Variants in FSD1L observed in about 807,000 individuals in gnomAD.
FSD1L encodes the protein FSD1-like protein.
FSD1L carries 45 observed loss-of-function variants against 71.6 expected under a neutral mutation model. The observed-to-expected ratio is 0.63, with a 90% confidence interval of 0.49 to 0.81. FSD1L has a LOEUF of 0.81. FSD1L is among the 30% of genes least tolerant of loss of function. The pLI is 0.00. For synonymous variants in FSD1L, 197 were observed against 207.2 expected, an observed-to-expected ratio of 0.95 and a Z score of 0.42; for missense variants, 561 against 618.1, an observed-to-expected ratio of 0.91 and a Z score of 0.98.
chr9:105,448,527 C>G (rs1313517633), intron 1 of FSD1L, among the ~76,000 whole-genome samples: 2 of 152,252 alleles, frequency 1.3e-5, no homozygotes, highest in Non-Finnish European at 2.9e-5. Flanking sequence ...ATCAGCCACT[C>G]TGCAGCGCTT....
intron 7 of FSD1L, among the ~76,000 whole-genome samples, chr9:105,493,813 A>G (rs948011682): frequency 6.6e-6 from 1 of 152,182 alleles, no homozygotes; most frequent in Non-Finnish European, 1.5e-5. Context: ...TTCTTTAAGA[A>G]TGTTGAATAT....
chr9:105,524,869 A>G (rs1011138894), intron 10 of FSD1L: 17 of 1,573,512 alleles, frequency 1.1e-5, no homozygotes, highest in Non-Finnish European at 1.5e-5. Context: ...AATCACGACA[A>G]TCATTACAGT....
chr9:105,519,201 TCA>T lies in FSD1L; in HGVS notation c.1025+6268_1025+6269del, dbSNP rs536337540. Among the ~76,000 whole-genome samples the T allele has an allele frequency of 5.5e-3, 842 of 152,262 alleles. 10 individuals carry two copies. The highest frequency in any genetic ancestry group is 0.02 in the African/African-American group (815 of 41,532). Reference sequence around the variant, plus strand: ...AAAAAAAGTCCAGGACCAGACAGACTCACAGCCAAATTCTACCAGAGGTACAA... The same window carrying T: ...AAAAAAAGTCCAGGACCAGACAGACTCAGCCAAATTCTACCAGAGGTACAA... On this transcript the variant is annotated intron_variant, in intron 10 of 13. Transcript: ENST00000481272.
At chr9:105,537,132 C>T (rs1292076009) in intron 12 of FSD1L, among the ~76,000 whole-genome samples, 3 of 152,230 alleles carry the variant, frequency 2.0e-5, no homozygotes, top group Non-Finnish European at 2.9e-5. Flanking sequence ...AGCATATTCT[C>T]TACAGTCATC....
chr9:105,474,988 C>G (rs1156949295), intron 5 of FSD1L, among the ~76,000 whole-genome samples: 1 of 152,156 alleles, frequency 6.6e-6, no homozygotes, highest in Non-Finnish European at 1.5e-5. Flanking sequence ...GACGGATCAC[C>G]AGCAAATGGG....
Position 105,535,270 on chromosome 9 carries a change from G to T in FSD1L, c.1330G>T (p.Asp444Tyr), listed in dbSNP as rs201446130. The stretch of plus-strand genomic sequence containing the variant: ...GCATAATAATAAAGTCAAAGCTTTG[G>T]ATGTTACTGTTCCTGAAAAAATAGG... ...AKHNNKVKAL[D>Y]VTVPEKIGVF... Residue 444 changes from aspartate (D) to tyrosine (Y), a missense_variant, in exon 12 of 14, where the codon GAT becomes TAT. Transcript: ENST00000481272. 2.5e-5 allele frequency: 39 copies of T among 1,551,534 alleles called. No homozygotes were observed. The highest frequency in any genetic ancestry group is 1.2e-5 in the South Asian group (1 of 84,058).
intron 1 of FSD1L, among the ~76,000 whole-genome samples, chr9:105,459,196 C>G (rs952835000): frequency 2.6e-5 from 4 of 152,282 alleles, no homozygotes; most frequent in Middle Eastern, 3.4e-3. Flanking sequence ...CATATGCAAG[C>G]TAGGGTCAAG....
chr9:105,455,446 ATGCAAG>A (rs1428145237), intron 1 of FSD1L, among the ~76,000 whole-genome samples: 2 of 152,232 alleles, frequency 1.3e-5, no homozygotes, highest in Non-Finnish European at 2.9e-5. Context: ...GTGTGGGATG[ATGCAAG>A]TGGCATCATT....
intron 7 of FSD1L, among the ~76,000 whole-genome samples, chr9:105,490,444 A>G (rs1408695895): frequency 6.6e-6 from 1 of 151,842 alleles, no homozygotes; most frequent in Non-Finnish European, 1.5e-5. Context: ...ATTTTCTCCC[A>G]TTTTGTAGGT....
intron 10 of FSD1L, among the ~76,000 whole-genome samples, chr9:105,527,624 C>A (rs897831938): frequency 6.6e-6 from 1 of 151,352 alleles, no homozygotes; most frequent in Non-Finnish European, 1.5e-5. Context: ...AATTATGTAT[C>A]ATTCACGTAG....
chr9:105,461,657 C>G (rs1200539854), intron 2 of FSD1L, 42 bp downstream of exon 2: 8 of 1,212,668 alleles, frequency 6.6e-6, no homozygotes. Flanking sequence ...ACTTGAAGAT[C>G]TGATTCAAAA....
intron 6 of FSD1L, among the ~76,000 whole-genome samples, chr9:105,483,803 C>G (rs2812311): frequency 0.24 from 37,053 of 151,926 alleles, 5,072 homozygotes; most frequent in Non-Finnish European, 0.31. Context: ...CAGAGTGACA[C>G]CTAGTGTGGT....
At chr9:105,534,455 A>T (rs1352924647) in intron 10 of FSD1L, 38 bp from the exon 11 acceptor site, 1 of 1,102,812 alleles carries the variant, frequency 9.1e-7, no homozygotes, top group Non-Finnish European at 1.3e-6. Context: ...TTTACAGTAT[A>T]AAATATTTGT....
intron 9 of FSD1L, among the ~76,000 whole-genome samples, chr9:105,508,970 A>C (rs556704718): frequency 3.3e-5 from 5 of 152,338 alleles, no homozygotes; most frequent in African/African-American, 1.2e-4. Context: ...GAGATGCTTA[A>C]TTTATAAATT....
At chr9:105,458,507 G>A (rs990452671) in intron 1 of FSD1L, among the ~76,000 whole-genome samples, 8 of 152,172 alleles carry the variant, frequency 5.3e-5, no homozygotes, top group African/African-American at 1.9e-4. Context: ...TCAGTGGAGA[G>A]GAGTCCTGAA....
chr9:105,495,954 G>A (rs370680555), intron 7 of FSD1L, among the ~76,000 whole-genome samples: 1 of 147,974 alleles, frequency 6.8e-6, no homozygotes, highest in South Asian at 2.1e-4. Flanking sequence ...CCTGGCAGCA[G>A]AGTGAGACTC....
chr9:105,540,463 G>T (rs1312348017), intron 13 of FSD1L, among the ~76,000 whole-genome samples: 2 of 151,908 alleles, frequency 1.3e-5, no homozygotes. Flanking sequence ...AGCACTTTTT[G>T]TGTTCTGTTT....
At chr9:105,489,833 A>G (rs969709216) in intron 7 of FSD1L, among the ~76,000 whole-genome samples, 3 of 152,018 alleles carry the variant, frequency 2.0e-5, no homozygotes, top group African/African-American at 4.8e-5. Context: ...AAGGACATGA[A>G]CTCATCATTT....
At chr9:105,452,349 G>C (rs1223839776) in intron 1 of FSD1L, among the ~76,000 whole-genome samples, 2 of 152,168 alleles carry the variant, frequency 1.3e-5, no homozygotes, top group Non-Finnish European at 2.9e-5. Flanking sequence ...TATTGTGTCG[G>C]ACTGTCACAA....
Sources: allele counts gnomAD v4.1 joint callset (sites outside exome capture counted in the v4.1 genomes callset), GRCh38; gene constraint gnomAD v4.1.1; transcripts MANE v1.5; gene names NCBI Gene and HGNC (gene_info 2026-07-23, HGNC 2026-07-21).